Variants in CEP162 observed in about 807,000 individuals in gnomAD.
The protein encoded by CEP162 is centrosomal protein 162.
CEP162 carries 141 observed loss-of-function variants against 169.2 expected under a neutral mutation model. The ratio of observed to expected loss-of-function variants is 0.83; its 90% CI spans 0.73 to 0.96. The LOEUF (loss-of-function observed/expected upper bound fraction) is 0.96, where lower values mean the gene tolerates loss of function less well. Ranked by LOEUF, CEP162 falls within the 40% of genes least tolerant of loss-of-function variation. The pLI is 0.00. For missense variants in CEP162, 1,600 were observed against 1,587.2 expected, an observed-to-expected ratio of 1.01 and a Z score of -0.14; for synonymous variants, 540 against 526.4, an observed-to-expected ratio of 1.03 and a Z score of -0.35.
chr6:84,192,973 T>C (rs2099540532), intron 11 of CEP162, among the ~76,000 whole-genome samples: 1 of 152,222 alleles, frequency 6.6e-6, no homozygotes. Flanking sequence ...GTAAATTGAG[T>C]TAATCTCAGG....
chr6:84,165,926 T>C (rs1037610736), intron 18 of CEP162, among the ~76,000 whole-genome samples: 2 of 152,220 alleles, frequency 1.3e-5, no homozygotes, highest in African/African-American at 2.4e-5. Context: ...GATCTAAAAG[T>C]TGCCGAATGC....
At chr6:84,129,726 A>C (rs1029989903) in intron 25 of CEP162, among the ~76,000 whole-genome samples, 1 of 151,992 alleles carries the variant, frequency 6.6e-6, no homozygotes, top group Admixed American at 6.6e-5. Context: ...TTGGTGTTTT[A>C]GTCATGAAGA....
intron 26 of CEP162, among the ~76,000 whole-genome samples, chr6:84,125,668 C>T (rs1401486368): frequency 6.6e-6 from 1 of 152,072 alleles, no homozygotes; most frequent in Non-Finnish European, 1.5e-5. Flanking sequence ...TTCCTCTCCT[C>T]TGCACACATG....
At chr6:84,221,653 C>T (rs949657930) in intron 2 of CEP162, among the ~76,000 whole-genome samples, 5 of 152,010 alleles carry the variant, frequency 3.3e-5, no homozygotes, top group African/African-American at 1.2e-4. Flanking sequence ...CACTTATTTG[C>T]TTTTTTCTAC....
At position 84,200,879 on chromosome 6, in the gene CEP162, CAG is replaced by C; in HGVS notation, c.743_744del (p.Ser248CysfsTer7). Reference protein sequence around the residue: ...ANVVLLDSLDSVAEVNLDEQD... With the variant: ...ANVVLLDSLDXVAEVNLDEQD... ...TGTTCATCAAGATTGACCTCTGCAA[CAG>C]AGTCTAATGAATCAAGCAGCACAAC... On this transcript the variant is annotated frameshift_variant, in exon 9 of 27. Coordinates refer to ENST00000403245, the MANE Select transcript of CEP162 (RefSeq NM_014895.4). LOFTEE classifies it high-confidence loss of function. The C allele has an allele frequency of 6.2e-7, 1 of 1,608,476 alleles. No homozygotes were observed. Among genetic ancestry groups the C allele is most frequent in the Non-Finnish European group, 8.5e-7 (1 of 1,175,442 alleles).
At position 84,149,659 on chromosome 6, in the gene CEP162, G is replaced by A. The variant is rs746877157; in HGVS notation, c.3674C>T (p.Ser1225Phe). 1.3e-5 allele frequency: 20 copies of A among 1,593,402 alleles called. No homozygotes were observed. The South Asian group carries it at 2.3e-4, about 18-fold the overall frequency. ...TAAHIASLKA[S>F]HQREIEKLLC... Reference sequence around the variant, plus strand: ...GAGTTTCTCTATTTCTCTCTGATGAGATGCTTTGAGGGATGCAATGTGTGC... The same window carrying A: ...GAGTTTCTCTATTTCTCTCTGATGAAATGCTTTGAGGGATGCAATGTGTGC... The change falls in exon 24 of 27, where the codon TCT (serine) becomes TTT (phenylalanine). Residue 1225 changes from serine (S) to phenylalanine (F), a missense_variant. Ser to Phe is a radical substitution (Grantham distance 155). Transcript: ENST00000403245.
chr6:84,159,523 T>TTTTA (rs1244967462), intron 21 of CEP162, among the ~76,000 whole-genome samples: 8 of 37,138 alleles, frequency 2.2e-4, no homozygotes, highest in African/African-American at 6.6e-4. Context: ...AATTAATTAT[T>TTTTA]TATATATATA....
chr6:84,165,096 C>T (rs1349740684), intron 18 of CEP162, among the ~76,000 whole-genome samples: 1 of 151,680 alleles, frequency 6.6e-6, no homozygotes, highest in Non-Finnish European at 1.5e-5. Flanking sequence ...TGCTTTGGGA[C>T]CCAGATAGCC....
At chr6:84,188,973 T>C (rs1036017180) in intron 11 of CEP162, among the ~76,000 whole-genome samples, 1 of 152,198 alleles carries the variant, frequency 6.6e-6, no homozygotes, top group Non-Finnish European at 1.5e-5. Flanking sequence ...TGTATTTCTC[T>C]AATGATTAGT....
chr6:84,172,874 G>C (rs6916940), intron 16 of CEP162, among the ~76,000 whole-genome samples: 9,232 of 152,148 alleles, frequency 0.061, 913 homozygotes, highest in African/African-American at 0.21. Context: ...AAAAGGGTGT[G>C]GGAGGCACAG....
intron 9 of CEP162, among the ~76,000 whole-genome samples, chr6:84,200,164 T>G (rs7761725): frequency 0.25 from 37,419 of 152,098 alleles, 10,595 homozygotes; most frequent in African/African-American, 0.7. Context: ...GAGACAGAAT[T>G]GCATGAACCT....
At position 84,146,796 on chromosome 6, in the gene CEP162, G is replaced by A. The variant is rs749386724; in HGVS notation, c.3772-11C>T. The A allele has an allele frequency of 2.1e-6, 3 of 1,397,946 alleles. No individual in the cohort carries two copies. The highest frequency in any genetic ancestry group is 3.0e-6 in the Non-Finnish European group (3 of 1,011,380). 86.6% of individuals were successfully genotyped at this position (1,397,946 alleles called of 1,614,324 possible). A position where few individuals can be genotyped will look rare whatever the true frequency, so the allele number is the denominator to read the frequency against. On this transcript the variant is annotated splice_polypyrimidine_tract_variant and intron_variant, in intron 24 of 26. Transcript: ENST00000403245. ...ATGTCTTATAAGTACCTAGGAAATT[G>A]TTAGAAGTGCTGAGTTAATAAAGCT...
intron 9 of CEP162, among the ~76,000 whole-genome samples, chr6:84,196,777 G>C (rs16874327): frequency 0.11 from 16,454 of 152,086 alleles, 1,535 homozygotes; most frequent in African/African-American, 0.25. Flanking sequence ...TAGCCAAGTG[G>C]TACATATAAG....
intron 25 of CEP162, among the ~76,000 whole-genome samples, chr6:84,129,962 C>T (rs1361062409): frequency 2.6e-5 from 4 of 152,170 alleles, no homozygotes; most frequent in Non-Finnish European, 5.9e-5. Context: ...GGGAATGCTT[C>T]CAGTTTTTGC....
chr6:84,139,893 C>T (rs1241986244), intron 25 of CEP162, among the ~76,000 whole-genome samples: 5 of 127,430 alleles, frequency 3.9e-5, no homozygotes, highest in Non-Finnish European at 7.6e-5. Flanking sequence ...AGAACACAGA[C>T]ATAGGTCATA....
chr6:84,163,076 T>C, intron 19 of CEP162, 68 bp downstream of exon 19: 2 of 1,458,814 alleles, frequency 1.4e-6, no homozygotes, highest in Non-Finnish European at 1.9e-6. Context: ...ATTCAATTTC[T>C]ATTACTTAAA....
intron 11 of CEP162, among the ~76,000 whole-genome samples, chr6:84,187,471 C>T (rs141126807): frequency 3.2e-4 from 48 of 152,274 alleles, no homozygotes; most frequent in African/African-American, 1.1e-3. Context: ...ATAGTTCTTT[C>T]CTTCTTCATA....
chr6:84,168,408 T>A (rs567348649), intron 18 of CEP162, among the ~76,000 whole-genome samples: 1 of 152,278 alleles, frequency 6.6e-6, no homozygotes, highest in South Asian at 2.1e-4. Flanking sequence ...TTAACTATGG[T>A]ATGTTTCTAT....
chr6:84,182,143 C>A (rs187425883), intron 13 of CEP162, among the ~76,000 whole-genome samples: 389 of 152,062 alleles, frequency 2.6e-3, no homozygotes, highest in Middle Eastern at 0.014. Flanking sequence ...TCCACATCTG[C>A]CTCTCTACTT....
Sources: gnomAD v4.1 joint callset for allele counts (sites outside exome capture counted in the v4.1 genomes callset) on GRCh38, gnomAD v4.1.1 for gene constraint, MANE v1.5 for transcripts, NCBI Gene and HGNC (gene_info 2026-07-23, HGNC 2026-07-21) for gene names.